The following PRDM1 variants were observed in gnomAD, a reference collection of about 807,000 sequenced individuals.
PRDM1 encodes PR/SET domain 1.
In PRDM1, 13 loss-of-function variants were observed where a neutral mutation model predicts 62.8. The observed-to-expected ratio is 0.21, with a 90% confidence interval of 0.13 to 0.33. The LOEUF is 0.33. Among genes scored for constraint, PRDM1 ranks in the 10% least tolerant of loss-of-function variants. The probability of loss-of-function intolerance (pLI) is 1.00; values close to 1 mark genes in which losing one functional copy is unlikely to be tolerated. For missense variants in PRDM1, 895 were observed against 1,058.8 expected (o/e 0.85, Z 2.15); for synonymous variants, 396 against 417.6 (o/e 0.95, Z 0.63).
chr6:106,057,928 A>G (rs986596272), intron 1 of PRDM1, among the ~76,000 whole-genome samples: 1 of 152,332 alleles, frequency 6.6e-6, no homozygotes, highest in Admixed American at 6.5e-5. Flanking sequence ...CTTTTGCTGT[A>G]AAAAGTAGAT....
At chr6:106,064,204 C>A (rs1036629260) in intron 1 of PRDM1, among the ~76,000 whole-genome samples, 1 of 152,152 alleles carries the variant, frequency 6.6e-6, no homozygotes, top group African/African-American at 2.4e-5. Flanking sequence ...AAAGGCCTGG[C>A]CCAGGTGGTG....
At chr6:106,066,066 G>T (rs1773429346) in intron 1 of PRDM1, among the ~76,000 whole-genome samples, 1 of 152,212 alleles carries the variant, frequency 6.6e-6, no homozygotes, top group South Asian at 2.1e-4. Context: ...CAATTAGTTG[G>T]TTGGGAGGCC....
chr6:106,002,624 C>T (rs1334463669), intron 1 of PRDM1, among the ~76,000 whole-genome samples: 2 of 152,128 alleles, frequency 1.3e-5, no homozygotes, highest in Admixed American at 6.5e-5. Flanking sequence ...TTATTATCCT[C>T]ATCAAATGTG....
chr6:106,020,100 C>A (rs1256732182), intron 1 of PRDM1, among the ~76,000 whole-genome samples: 2 of 150,272 alleles, frequency 1.3e-5, no homozygotes, highest in Non-Finnish European at 3.0e-5. Flanking sequence ...GGGTGGCGTG[C>A]ACCTGTAATC....
At chr6:106,099,622 C>T in intron 4 of PRDM1, 70 bp downstream of exon 4, 2 of 1,568,854 alleles carry the variant, frequency 1.3e-6, no homozygotes, top group Non-Finnish European at 1.7e-6. Flanking sequence ...GAACTAATAA[C>T]ATGTTGTTTA....
At chr6:106,091,382 A>G (rs1443007324) in intron 2 of PRDM1, among the ~76,000 whole-genome samples, 1 of 152,204 alleles carries the variant, frequency 6.6e-6, no homozygotes, top group African/African-American at 2.4e-5. Context: ...GTTGCCTTTT[A>G]TTTGAGAAAT....
intron 1 of PRDM1, among the ~76,000 whole-genome samples, chr6:106,058,642 G>A (rs1484491046): frequency 3.3e-5 from 5 of 152,028 alleles, no homozygotes; most frequent in African/African-American, 7.2e-5. Context: ...GCGCAATCTC[G>A]GCTCACCGCA....
upstream of PRDM1, among the ~76,000 whole-genome samples, chr6:106,083,746 C>T (rs1417289315): frequency 6.6e-6 from 1 of 152,162 alleles, no homozygotes; most frequent in Non-Finnish European, 1.5e-5. Flanking sequence ...AGGTTCTTTT[C>T]GGTGTTCTAA....
At chr6:106,002,806 G>A (rs540861471) in intron 1 of PRDM1, among the ~76,000 whole-genome samples, 2 of 152,082 alleles carry the variant, frequency 1.3e-5, no homozygotes, top group African/African-American at 4.8e-5. Context: ...GTGGTTGCTC[G>A]TTCAAGGTCC....
chr6:106,002,792 G>C (rs963402463), intron 1 of PRDM1, among the ~76,000 whole-genome samples: 2 of 152,148 alleles, frequency 1.3e-5, no homozygotes, highest in East Asian at 3.8e-4. Flanking sequence ...TACCTATAGA[G>C]AGTGTGGTTG....
At chr6:106,078,999 C>T (rs376589954) in intron 1 of PRDM1, among the ~76,000 whole-genome samples, 52 of 151,814 alleles carry the variant, frequency 3.4e-4, no homozygotes, top group Non-Finnish European at 5.9e-4. Flanking sequence ...CTTACTCTGT[C>T]GCCCAGGCTG....
In PRDM1 at chr6:106,013,308, G is replaced by A. The variant is rs534611121; in HGVS notation, c.-67+19669G>A. 1.9e-4 allele frequency among the ~76,000 whole-genome samples: 29 copies of A among 149,632 alleles called. 1 individual carries two copies. The highest frequency in any genetic ancestry group is 3.4e-4 in the Non-Finnish European group (23 of 67,734). ...AGCTTATCCTCATTCACCCCTGCCT[G>A]TAAACTGCTTTTTGAACTTTTCTTT... is the stretch of plus-strand genomic sequence containing the variant. On this transcript the variant is annotated intron_variant, in intron 1 of 6. Transcript: ENST00000652320.
At chr6:106,024,410 A>G (rs1485205520) in intron 1 of PRDM1, among the ~76,000 whole-genome samples, 1 of 152,200 alleles carries the variant, frequency 6.6e-6, no homozygotes, top group African/African-American at 2.4e-5. Context: ...TGTCTCATTC[A>G]GAGGATTAAA....
At chr6:106,030,930 G>A (rs113045484) in intron 1 of PRDM1, among the ~76,000 whole-genome samples, 3 of 151,120 alleles carry the variant, frequency 2.0e-5, no homozygotes, top group East Asian at 1.9e-4. Context: ...AAAGCTTCTG[G>A]AAGAATATGC....
At chr6:106,094,391 AGAG>A (rs1224884204) in intron 2 of PRDM1, among the ~76,000 whole-genome samples, 1 of 152,242 alleles carries the variant, frequency 6.6e-6, no homozygotes, top group East Asian at 1.9e-4. Flanking sequence ...GACTACTCAC[AGAG>A]GAGTTCTATT....
chr6:106,034,485 C>T (rs1772894137), intron 1 of PRDM1, among the ~76,000 whole-genome samples: 1 of 151,520 alleles, frequency 6.6e-6, no homozygotes, highest in Non-Finnish European at 1.5e-5. Flanking sequence ...TTCTAATTTC[C>T]CTTTTGATTT....
chr6:106,013,269 A>G (rs555317163), intron 1 of PRDM1, among the ~76,000 whole-genome samples: 40 of 151,852 alleles, frequency 2.6e-4, no homozygotes, highest in African/African-American at 9.7e-4. Context: ...TTGTACAGGC[A>G]TCTGCCTAAA....
At chr6:106,014,112 T>C (rs951921884) in intron 1 of PRDM1, among the ~76,000 whole-genome samples, 1 of 126,974 alleles carries the variant, frequency 7.9e-6, no homozygotes, top group Non-Finnish European at 1.6e-5. Context: ...CAGGCTGGAG[T>C]GCAGTGGTGC....
rs1228823409 is a variant in PRDM1 at position 106,108,789 on chromosome 6, T to C, written c.*1303T>C. On this transcript the variant is annotated 3_prime_UTR_variant, in exon 7 of 7. Transcript: ENST00000369096. Reference sequence around the variant, plus strand: ...TAATTTAATGGAAGATGAAAGGGCATTGCAAAGTTGTTCAACAACAGTTAC... The same window carrying C: ...TAATTTAATGGAAGATGAAAGGGCACTGCAAAGTTGTTCAACAACAGTTAC... The C allele has an allele frequency of 1.7e-5, 4 of 233,104 alleles. No homozygotes were observed. The highest frequency in any genetic ancestry group is 3.4e-5 in the Non-Finnish European group (4 of 117,760). 14.4% of individuals were successfully genotyped at this position (233,104 alleles called of 1,614,324 possible).
Sources: gnomAD v4.1 joint callset for allele counts (sites outside exome capture counted in the v4.1 genomes callset) on GRCh38, gnomAD v4.1.1 for gene constraint, MANE v1.5 for transcripts, NCBI Gene and HGNC (gene_info 2026-07-23, HGNC 2026-07-21) for gene names.